The following EYA2 variants were observed in gnomAD, a reference collection of about 807,000 sequenced individuals.
EYA2 encodes the protein EYA transcriptional coactivator and phosphatase 2, also known as protein phosphatase EYA2.
Under a neutral mutation model 69.2 loss-of-function variants are expected in EYA2, and 31 were observed. The observed-to-expected ratio is 0.45, with a 90% CI of 0.34 to 0.60. The LOEUF is 0.60. EYA2 is among the 20% of genes least tolerant of loss of function. EYA2 has a pLI of 0.02. For missense variants in EYA2, 622 were observed against 701.2 expected, an observed-to-expected ratio of 0.89 and a Z score of 1.28; for synonymous variants, 257 against 279.4, an observed-to-expected ratio of 0.92 and a Z score of 0.80.
At chr20:47,173,885 A>T (rs1381488265) in intron 12 of EYA2, among the ~76,000 whole-genome samples, 1 of 152,236 alleles carries the variant, frequency 6.6e-6, no homozygotes, top group Non-Finnish European at 1.5e-5. Context: ...ATCAGGAGTC[A>T]TAAAGATCCC....
At chr20:46,970,284 C>T (rs748812571) in intron 1 of EYA2, among the ~76,000 whole-genome samples, 1 of 152,144 alleles carries the variant, frequency 6.6e-6, no homozygotes, top group African/African-American at 2.4e-5. Flanking sequence ...CACTACTGTC[C>T]TCTGCTATAG....
At chr20:47,159,970 A>G (rs1325547602) in intron 10 of EYA2, among the ~76,000 whole-genome samples, 1 of 150,658 alleles carries the variant, frequency 6.6e-6, no homozygotes, top group Admixed American at 6.6e-5. Flanking sequence ...TGTAGTGAGG[A>G]GAGGGTAGGA....
intron 10 of EYA2, chr20:47,161,451 T>G (rs918111182): frequency 2.3e-6 from 1 of 442,906 alleles, no homozygotes; most frequent in Non-Finnish European, 4.4e-6. Context: ...GTCAATGATC[T>G]CAAACTCTTT....
intron 9 of EYA2, among the ~76,000 whole-genome samples, chr20:47,132,316 T>G (rs750924460): frequency 5.3e-5 from 8 of 152,306 alleles, no homozygotes; most frequent in Admixed American, 6.5e-5. Context: ...ACACAGCTAC[T>G]CTGTAGCTTG....
rs2034322996 is a variant in EYA2, at chr20:47,171,561, C to T, written c.1038-1146C>T. On this transcript the variant is annotated intron_variant, in intron 11 of 15. Coordinates refer to ENST00000327619, the MANE Select transcript of EYA2 (RefSeq NM_005244.5). ...TGCTTTTATCCTCATCCTCATTTTT[C>T]AGCTGGGGAATGTGAGGCATAGAGA... is the stretch of plus-strand genomic sequence containing the variant. Among the ~76,000 whole-genome samples, 3 of 152,206 alleles carry T rather than the reference C, an allele frequency of 2.0e-5. No homozygotes were observed. The South Asian group carries it at 6.2e-4, about 32-fold the overall frequency.
intron 8 of EYA2, among the ~76,000 whole-genome samples, chr20:47,093,214 C>G (rs1194229904): frequency 1.3e-5 from 2 of 152,198 alleles, no homozygotes; most frequent in African/African-American, 2.4e-5. Context: ...TCCTTTCCCT[C>G]TACTCCCAAT....
chr20:47,017,762 C>T (rs995894059), intron 5 of EYA2, among the ~76,000 whole-genome samples: 5 of 152,164 alleles, frequency 3.3e-5, no homozygotes, highest in Admixed American at 6.5e-5. Flanking sequence ...TCTCAAGCAA[C>T]GGTACTGTAT....
intron 1 of EYA2, chr20:46,901,162 A>G (rs976142249): frequency 6.6e-6 from 1 of 152,164 alleles, no homozygotes; most frequent in Non-Finnish European, 1.5e-5. Flanking sequence ...TCTCCTCCCC[A>G]TGGCTCCCTC....
At chr20:47,148,752 G>A (rs948154237) in intron 10 of EYA2, among the ~76,000 whole-genome samples, 8 of 152,196 alleles carry the variant, frequency 5.3e-5, no homozygotes, top group African/African-American at 1.9e-4. Context: ...GGTGGATGTT[G>A]GGTTAAAATT....
At chr20:47,156,127 CATATATATATATATATATATAT>C (rs752111640) in intron 10 of EYA2, among the ~76,000 whole-genome samples, 175 of 14,534 alleles carry the variant, frequency 0.012, 2 homozygotes, top group African/African-American at 0.018. Context: ...CACACACACA[CATATATATATATATATATATAT>C]ATATATATAT....
intron 10 of EYA2, among the ~76,000 whole-genome samples, chr20:47,143,753 C>T (rs772000343): frequency 6.6e-5 from 10 of 152,004 alleles, no homozygotes; most frequent in Non-Finnish European, 1.3e-4. Flanking sequence ...GAAAGGATTT[C>T]GAATGGGAAA....
rs567205268 is a variant in EYA2, at chr20:46,926,231, C to T, written c.-11+31244C>T. On this transcript the variant is annotated intron_variant, in intron 1 of 15. Transcript: ENST00000327619. ...AACAGAAAAAAATAGGAAATATATA[C>T]GTACACACATACAGTGATATAGAGA... 4.6e-5 allele frequency among the ~76,000 whole-genome samples: 7 copies of T among 152,200 alleles called. No homozygotes were observed. The East Asian group carries it at 7.7e-4, about 17-fold the overall frequency.
At chr20:47,186,091 AC>A (rs1377891961) in intron 15 of EYA2, among the ~76,000 whole-genome samples, 1 of 152,070 alleles carries the variant, frequency 6.6e-6, no homozygotes, top group African/African-American at 2.4e-5. Flanking sequence ...AAAAGTAGAC[AC>A]ACAAAGCTGC....
intron 1 of EYA2, among the ~76,000 whole-genome samples, chr20:46,962,014 A>ATTTT (rs1464985301): frequency 6.6e-6 from 1 of 152,106 alleles, no homozygotes; most frequent in Non-Finnish European, 1.5e-5. Context: ...AGAAAAGCAG[A>ATTTT]TTTTCTTTCT....
chr20:46,937,022 G>A (rs1036111322), intron 1 of EYA2, among the ~76,000 whole-genome samples: 1 of 152,182 alleles, frequency 6.6e-6, no homozygotes, highest in Admixed American at 6.5e-5. Flanking sequence ...CGGCCAGAAT[G>A]GGGAGCGCTT....
At chr20:47,162,717 C>T (rs1258133111) in intron 10 of EYA2, among the ~76,000 whole-genome samples, 1 of 151,926 alleles carries the variant, frequency 6.6e-6, no homozygotes, top group Non-Finnish European at 1.5e-5. Flanking sequence ...CAGAGTCTCA[C>T]CATGTTGTCC....
chr20:47,074,875 G>C (rs2031454808), intron 7 of EYA2, among the ~76,000 whole-genome samples: 1 of 152,190 alleles, frequency 6.6e-6, no homozygotes. Flanking sequence ...ACTTTTGGAG[G>C]CTGAGGCGGG....
chr20:47,035,150 G>C (rs1984625469), intron 5 of EYA2, among the ~76,000 whole-genome samples: 1 of 152,190 alleles, frequency 6.6e-6, no homozygotes, highest in South Asian at 2.1e-4. Flanking sequence ...AAGAGGCTTG[G>C]AGCCAAGAAC....
intron 1 of EYA2, among the ~76,000 whole-genome samples, chr20:46,967,738 C>T (rs1418666954): frequency 2.0e-5 from 3 of 152,176 alleles, no homozygotes; most frequent in Non-Finnish European, 4.4e-5. Flanking sequence ...AAGCAGCTCA[C>T]ATGGCTCCTG....
Sources: allele counts gnomAD v4.1 joint callset (sites outside exome capture counted in the v4.1 genomes callset), GRCh38; gene constraint gnomAD v4.1.1; transcripts MANE v1.5; gene names NCBI Gene and HGNC (gene_info 2026-07-23, HGNC 2026-07-21).